The following ARHGAP25 variants were observed in gnomAD, a reference collection of about 807,000 sequenced individuals.
ARHGAP25 encodes the protein Rho GTPase activating protein 25.
In ARHGAP25, 34 loss-of-function variants were observed where a neutral mutation model predicts 71.0. The ratio of observed to expected loss-of-function variants is 0.48; its 90% CI spans 0.36 to 0.64. The LOEUF (loss-of-function observed/expected upper bound fraction) is 0.64. Ranked by LOEUF, ARHGAP25 falls within the 30% of genes least tolerant of loss-of-function variation. ARHGAP25 has a pLI of 0.00. For missense variants in ARHGAP25, 706 were observed against 805.1 expected, an observed-to-expected ratio of 0.88 and a Z score of 1.49; for synonymous variants, 282 against 296.5, an observed-to-expected ratio of 0.95 and a Z score of 0.50.
In ARHGAP25 at chr2:68,806,993, A is replaced by G. The variant is rs1013534818; in HGVS notation, c.467-280A>G. On this transcript the variant is annotated intron_variant, in intron 4 of 10. Coordinates refer to ENST00000409202, the MANE Select transcript of ARHGAP25 (RefSeq NM_001007231.3). ...GGGTTGCTGTCAAGGTTAAAGGACA[A>G]AAAGTGTGCAATTCCTAGCAAAAGA... Among the ~76,000 whole-genome samples, 5 of 152,328 alleles carry G rather than the reference A, an allele frequency of 3.3e-5. No individual in the cohort carries two copies. In the East Asian group the frequency reaches 9.6e-4, roughly 29 times the overall value.
At chr2:68,817,731 C>A (rs1220031272) in intron 7 of ARHGAP25, 142 bp from the exon 8 acceptor site, 7 of 1,054,928 alleles carry the variant, frequency 6.6e-6, no homozygotes, top group Non-Finnish European at 9.5e-6. Flanking sequence ...AGGCTAAATT[C>A]TTGTGGGCAG....
intron 2 of ARHGAP25, among the ~76,000 whole-genome samples, chr2:68,779,069 C>T (rs1024542487): frequency 6.6e-6 from 1 of 152,196 alleles, no homozygotes; most frequent in Non-Finnish European, 1.5e-5. Context: ...CTCAGACAAT[C>T]CTAGTAGTAG....
chr2:68,752,359 G>A (rs1676229018), intron 1 of ARHGAP25, among the ~76,000 whole-genome samples: 1 of 151,602 alleles, frequency 6.6e-6, no homozygotes, highest in Non-Finnish European at 1.5e-5. Context: ...GCCATTTAAA[G>A]GAGACACCTG....
At position 68,773,464 on chromosome 2, in the gene ARHGAP25, C is replaced by T. The variant is rs569966565; in HGVS notation, c.62-1757C>T. 3.9e-5 allele frequency among the ~76,000 whole-genome samples: 6 copies of T among 152,152 alleles called. No homozygotes were observed. In the South Asian group the frequency reaches 1.2e-3, roughly 32 times the overall value. ...GAGCTAAACAATAGGTATACGTGGACATAAATATGGGAATAATAGGCACTG... is the reference window on the plus strand; with the variant it reads ...GAGCTAAACAATAGGTATACGTGGATATAAATATGGGAATAATAGGCACTG... On this transcript the variant is annotated intron_variant, in intron 1 of 10. Transcript: ENST00000409202.
intron 1 of ARHGAP25, among the ~76,000 whole-genome samples, chr2:68,772,644 G>A (rs1677562608): frequency 6.6e-6 from 1 of 152,210 alleles, no homozygotes; most frequent in Non-Finnish European, 1.5e-5. Context: ...CTGACTTAGA[G>A]AGATACAGAA....
chr2:68,722,929 G>C (rs559855972), intron 2 of ARHGAP25, among the ~76,000 whole-genome samples: 70 of 152,286 alleles, frequency 4.6e-4, no homozygotes, highest in African/African-American at 1.6e-3. Flanking sequence ...GGAGAGGTGC[G>C]CTAGGTCTGG....
Position 68,826,195 on chromosome 2 carries a change from G to A in ARHGAP25, c.*1G>A. The A allele has an allele frequency of 6.2e-7, 1 of 1,614,126 alleles. No homozygotes were observed. The highest frequency in any genetic ancestry group is 8.5e-7 in the Non-Finnish European group (1 of 1,179,968). ...GAAGGAACCCAAGACCGAGGCTTAA[G>A]GGTCCCAGGAGTACTGCAGGGACAG... On this transcript the variant is annotated 3_prime_UTR_variant, in exon 11 of 11. Coordinates refer to ENST00000409202, the MANE Select transcript of ARHGAP25 (RefSeq NM_001007231.3).
chr2:68,811,631 C>T (rs1680826440), intron 5 of ARHGAP25, among the ~76,000 whole-genome samples: 1 of 116,648 alleles, frequency 8.6e-6, no homozygotes, highest in African/African-American at 3.3e-5. Context: ...AGGTAGAGTT[C>T]ACAGGCTGCA....
At chr2:68,815,806 C>T (rs971024256) in intron 6 of ARHGAP25, among the ~76,000 whole-genome samples, 8 of 151,844 alleles carry the variant, frequency 5.3e-5, no homozygotes, top group Admixed American at 2.0e-4. Flanking sequence ...TTGCACCGTC[C>T]TCCAGCGTGG....
chr2:68,778,845 A>G (rs78423427), intron 2 of ARHGAP25, among the ~76,000 whole-genome samples: 2,207 of 152,260 alleles, frequency 0.014, 64 homozygotes, highest in African/African-American at 0.049. Flanking sequence ...ACTTTCCTGT[A>G]TGTGCTTCTG....
chr2:68,762,110 C>T (rs533803087), intron 1 of ARHGAP25, among the ~76,000 whole-genome samples: 1 of 152,236 alleles, frequency 6.6e-6, no homozygotes, highest in East Asian at 1.9e-4. Context: ...GGACATTATG[C>T]TAAGTGAAAT....
At chr2:68,785,126 A>G (rs1222791868) in intron 3 of ARHGAP25, among the ~76,000 whole-genome samples, 1 of 152,222 alleles carries the variant, frequency 6.6e-6, no homozygotes, top group Non-Finnish European at 1.5e-5. Context: ...AGACAAGAAT[A>G]GGACATTTTC....
At chr2:68,735,828 A>G (rs969706047) in intron 1 of ARHGAP25, among the ~76,000 whole-genome samples, 4 of 152,244 alleles carry the variant, frequency 2.6e-5, no homozygotes, top group Middle Eastern at 3.2e-3. Flanking sequence ...TTCTTAGATG[A>G]GTTGGAAAAG....
At chr2:68,808,430 G>A (rs190513552) in intron 5 of ARHGAP25, among the ~76,000 whole-genome samples, 390 of 152,194 alleles carry the variant, frequency 2.6e-3, no homozygotes, top group African/African-American at 8.8e-3. Flanking sequence ...AATCACCAAC[G>A]CCGCCCATTT....
Position 68,826,258 on chromosome 2 carries a change from T to TA in ARHGAP25, c.*65dup, listed in dbSNP as rs776111274. On this transcript the variant is annotated 3_prime_UTR_variant, in exon 11 of 11. Coordinates refer to ENST00000409202, the MANE Select transcript of ARHGAP25 (RefSeq NM_001007231.3). The stretch of plus-strand genomic sequence containing the variant: ...CCAACTCTGGCCCCTTTCTCAGTGC[T>TA]ATCTGATGACGGGGAAACAAAATTA... 1 of 1,459,850 alleles carries TA rather than the reference T, an allele frequency of 6.9e-7. No homozygotes were observed. The highest frequency in any genetic ancestry group is 9.6e-7 in the Non-Finnish European group (1 of 1,040,740). 90.4% of individuals were successfully genotyped at this position (1,459,850 alleles called of 1,614,324 possible).
intron 9 of ARHGAP25, among the ~76,000 whole-genome samples, chr2:68,821,355 C>T (rs1681651837): frequency 6.6e-6 from 1 of 152,162 alleles, no homozygotes; most frequent in East Asian, 1.9e-4. Flanking sequence ...CCTCCTCAGC[C>T]TCCCAAAGTG....
At chr2:68,730,257 C>T (rs1674984695), upstream of ARHGAP25, among the ~76,000 whole-genome samples, 1 of 152,158 alleles carries the variant, frequency 6.6e-6, no homozygotes, top group Non-Finnish European at 1.5e-5. Flanking sequence ...TAAGTGGTAA[C>T]AATGATTTTT....
At chr2:68,772,338 G>T (rs1272161564) in intron 1 of ARHGAP25, among the ~76,000 whole-genome samples, 1 of 152,218 alleles carries the variant, frequency 6.6e-6, no homozygotes, top group African/African-American at 2.4e-5. Flanking sequence ...TCACTCCTGA[G>T]TTGGCTCCAT....
At chr2:68,776,601 G>A (rs546663761) in intron 2 of ARHGAP25, among the ~76,000 whole-genome samples, 114 of 152,194 alleles carry the variant, frequency 7.5e-4, no homozygotes, top group African/African-American at 2.6e-3. Flanking sequence ...AGGTCTCTTC[G>A]GCCAACCTCA....
Sources: gnomAD v4.1 joint callset for allele counts (sites outside exome capture counted in the v4.1 genomes callset) on GRCh38, gnomAD v4.1.1 for gene constraint, MANE v1.5 for transcripts, NCBI Gene and HGNC (gene_info 2026-07-23, HGNC 2026-07-21) for gene names.